The following LRRK2 variants were observed in gnomAD, a reference collection of about 807,000 sequenced individuals.
The protein encoded by LRRK2 is leucine-rich repeat serine/threonine-protein kinase 2.
Under a neutral mutation model 302.6 loss-of-function variants are expected in LRRK2, and 203 were observed. The observed-to-expected ratio is 0.67, with a 90% CI of 0.60 to 0.75. The LOEUF (loss-of-function observed/expected upper bound fraction) is 0.75. LRRK2 is among the 30% of genes least tolerant of loss of function. LRRK2 has a pLI of 0.00. For synonymous variants in LRRK2, 1,066 were observed against 1,031.9 expected (o/e 1.03, Z -0.63); for missense variants, 2,830 against 2,951.0 (o/e 0.96, Z 0.95).
chr12:40,260,073 C>T (rs17490796), intron 13 of LRRK2, among the ~76,000 whole-genome samples: 4,868 of 152,206 alleles, frequency 0.032, 258 homozygotes, highest in African/African-American at 0.11. Context: ...CCTCCACCCA[C>T]CTTTAATTGT....
chr12:40,235,658 C>G lies in LRRK2; in HGVS notation c.380C>G (p.Ala127Gly). ...CTTAAAATGCTAACAGTTCATAATG[C>G]CAGTGTAAACTTGTCAGTGATTGGA... Reference protein sequence around the residue: ...LILKMLTVHNASVNLSVIGLK... With the variant: ...LILKMLTVHNGSVNLSVIGLK... Residue 127 changes from alanine to glycine, a missense_variant, in exon 4 of 51, where the codon GCC (alanine) becomes GGC (glycine). Transcript: ENST00000298910. 1 of 1,608,104 alleles carries G rather than the reference C, an allele frequency of 6.2e-7. No homozygotes were observed.
chr12:40,257,778 T>TTTGG (rs1942588223), intron 12 of LRRK2, among the ~76,000 whole-genome samples: 1 of 152,350 alleles, frequency 6.6e-6, no homozygotes, highest in South Asian at 2.1e-4. Context: ...ATGAACTTTG[T>TTTGG]CTTCTCTTCC....
At chr12:40,253,067 T>A in intron 11 of LRRK2, 51 bp downstream of exon 11, 1 of 1,226,606 alleles carries the variant, frequency 8.2e-7, no homozygotes, top group Non-Finnish European at 1.2e-6. Flanking sequence ...TTTTGTGGTA[T>A]TTTTAATTAT....
intron 23 of LRRK2, 79 bp from the exon 24 acceptor site, chr12:40,298,164 G>A (rs921404164): frequency 2.8e-6 from 4 of 1,425,270 alleles, no homozygotes; most frequent in Non-Finnish European, 3.9e-6. Context: ...GTTACCAGAG[G>A]TGTGTAAGGC....
At position 40,274,574 on chromosome 12, in the gene LRRK2, T is replaced by G. The variant is rs754017242; in HGVS notation, c.1657-9T>G. 6.8e-6 allele frequency: 11 copies of G among 1,613,484 alleles called. No homozygotes were observed. The South Asian group carries it at 1.2e-4, about 18-fold the overall frequency. Reference sequence around the variant, plus strand: ...TCATTTTTAACAGCGAGTATTCTTTTGATTTTAGTTCATTGGAAATCCTGG... The same window carrying G: ...TCATTTTTAACAGCGAGTATTCTTTGGATTTTAGTTCATTGGAAATCCTGG... On this transcript the variant is annotated splice_polypyrimidine_tract_variant and intron_variant, in intron 14 of 50. Transcript: ENST00000298910.
intron 47 of LRRK2, among the ~76,000 whole-genome samples, chr12:40,362,424 C>T (rs1275087227): frequency 1.3e-5 from 2 of 151,978 alleles, no homozygotes; most frequent in African/African-American, 4.8e-5. Flanking sequence ...TTCTTCTATT[C>T]CCCCACTTAA....
chr12:40,288,601 TCA>T (rs1431971383), intron 20 of LRRK2, among the ~76,000 whole-genome samples: 2 of 151,938 alleles, frequency 1.3e-5, no homozygotes, highest in African/African-American at 4.8e-5. Context: ...TACATCCTTG[TCA>T]GTACTTGGTA....
intron 4 of LRRK2, among the ~76,000 whole-genome samples, chr12:40,236,923 T>C (rs559824243): frequency 6.6e-6 from 1 of 152,046 alleles, no homozygotes; most frequent in South Asian, 2.1e-4. Flanking sequence ...TTTATTAATA[T>C]GAAAAATCTA....
At position 40,295,610 on chromosome 12, in the gene LRRK2, A is replaced by G. The variant is rs1012442022; in HGVS notation, c.3062A>G (p.Asn1021Ser). 6.2e-7 allele frequency: 1 copy of G among 1,614,042 alleles called. No homozygotes were observed. The highest frequency in any genetic ancestry group is 1.3e-5 in the African/African-American group (1 of 75,056). ...EHLEKLELHQ[N>S]ALTSFPQQLC... ...CTTGAAAAGCTGGAGCTTCACCAGA[A>G]TGCACTCACGAGCTTTCCACAACAG... Residue 1021 changes from asparagine (N) to serine (S), a missense_variant, in exon 23 of 51, where the codon AAT becomes AGT. Asn to Ser is a conservative substitution (Grantham distance 46, BLOSUM62 1). This residue lies in a region of LRRK2 where 2,121 missense variants were observed against 2,148.0 expected (regional missense o/e 0.99). Coordinates refer to ENST00000298910, the MANE Select transcript of LRRK2 (RefSeq NM_198578.4).
At chr12:40,355,564 A>G (rs1436019349) in intron 45 of LRRK2, among the ~76,000 whole-genome samples, 1 of 61,756 alleles carries the variant, frequency 1.6e-5, no homozygotes, top group Non-Finnish European at 3.1e-5. Flanking sequence ...TTTTTTTTGA[A>G]GGAGTTTTGC....
chr12:40,309,786 G>A (rs1434540443), intron 30 of LRRK2, among the ~76,000 whole-genome samples: 2 of 152,126 alleles, frequency 1.3e-5, no homozygotes, highest in African/African-American at 4.8e-5. Flanking sequence ...ACTGCTGCTT[G>A]CATGATGCTG....
chr12:40,311,226 T>A (rs1305820145), intron 31 of LRRK2, among the ~76,000 whole-genome samples: 3 of 152,178 alleles, frequency 2.0e-5, no homozygotes, highest in Non-Finnish European at 4.4e-5. Flanking sequence ...GTCTCACTAA[T>A]TACTTAGTTC....
intron 35 of LRRK2, among the ~76,000 whole-genome samples, chr12:40,321,703 T>C (rs148493269): frequency 4.6e-5 from 7 of 152,208 alleles, no homozygotes; most frequent in Non-Finnish European, 1.0e-4. Context: ...CATTAAAAAG[T>C]TCAGAAAGTT....
Position 40,326,682 on chromosome 12 carries a change from G to A in LRRK2, c.5657-1678G>A, listed in dbSNP as rs150363069. Among the ~76,000 whole-genome samples, 465 of 151,972 alleles carry A rather than the reference G, an allele frequency of 3.1e-3. 3 individuals carry two copies. The highest frequency in any genetic ancestry group is 0.01 in the African/African-American group (431 of 41,480). On this transcript the variant is annotated intron_variant, in intron 38 of 50. Transcript: ENST00000298910. ...GATTCTCTCCCTTCCCCCTCTACTTGCTTTCTTTCTCTTTTCCCTCTTCTG... is the reference window on the plus strand; with the variant it reads ...GATTCTCTCCCTTCCCCCTCTACTTACTTTCTTTCTCTTTTCCCTCTTCTG...
At position 40,319,891 on chromosome 12, in the gene LRRK2, T is replaced by A. The variant is rs911451386; in HGVS notation, c.4828-97T>A. 52 of 1,199,952 alleles carry A rather than the reference T, an allele frequency of 4.3e-5. No individual in the cohort carries two copies. The East Asian group carries it at 1.1e-3, about 26-fold the overall frequency. The allele number at this position is 1,199,952 out of a possible 1,614,324, so 74.3% of individuals were successfully genotyped here. ...GCACTTGAAAACACTAAAATCTTTCTGACTACTTTCACTGAGCAAAGAGAC... is the reference window on the plus strand; with the variant it reads ...GCACTTGAAAACACTAAAATCTTTCAGACTACTTTCACTGAGCAAAGAGAC... On this transcript the variant is annotated intron_variant, in intron 33 of 50. Transcript: ENST00000298910.
Position 40,346,899 on chromosome 12 carries a change from T to C in LRRK2, c.6256T>C (p.Leu2086=). 3 of 1,611,900 alleles carry C rather than the reference T, an allele frequency of 1.9e-6. No individual in the cohort carries two copies. Among genetic ancestry groups the C allele is most frequent in the Non-Finnish European group, 2.5e-6 (3 of 1,179,460 alleles). Residue 2086 remains leucine (L), a synonymous_variant, in exon 42 of 51, where the codon TTA becomes CTA. Transcript: ENST00000298910. ...GLKFPNEFDE[L]EIQGKLPDPV... is the part of the protein sequence containing the mutation. The stretch of plus-strand genomic sequence containing the variant: ...GAAGTTTCCAAATGAGTTTGATGAA[T>C]TAGAAATACAAGGAAAATTACCTGG...
chr12:40,261,974 C>A (rs1197348363), intron 13 of LRRK2, among the ~76,000 whole-genome samples: 1 of 151,918 alleles, frequency 6.6e-6, no homozygotes, highest in Non-Finnish European at 1.5e-5. Flanking sequence ...ATAATGAAGA[C>A]CCAGTTACTT....
chr12:40,305,685 G>C, intron 27 of LRRK2, 100 bp from the exon 28 acceptor site: 1 of 1,028,768 alleles, frequency 9.7e-7, no homozygotes, highest in Non-Finnish European at 1.5e-6. Context: ...GCAAGCTGCT[G>C]ATGGAATCTG....
At chr12:40,263,651 A>G in intron 13 of LRRK2, 138 bp from the exon 14 acceptor site, 1 of 551,352 alleles carries the variant, frequency 1.8e-6, no homozygotes, top group South Asian at 3.1e-5. Context: ...TATTTATTTG[A>G]TAAGGAAACA....
Sources: gnomAD v4.1 joint callset for allele counts (sites outside exome capture counted in the v4.1 genomes callset) on GRCh38, gnomAD v4.1.1 for gene constraint, gnomAD v4.1.1 regional missense constraint, MANE v1.5 for transcripts, NCBI Gene and HGNC (gene_info 2026-07-23, HGNC 2026-07-21) for gene names.